SLC5A4: variants seen among roughly 807,000 people sequenced by gnomAD.
The protein encoded by SLC5A4 is solute carrier family 5 member 4.
Under a neutral mutation model 70.3 loss-of-function variants are expected in SLC5A4, and 55 were observed. The observed-to-expected ratio is 0.78, with a 90% CI of 0.63 to 0.98. The LOEUF is 0.98. Among genes scored for constraint, SLC5A4 ranks in the 50% least tolerant of loss-of-function variants. The pLI, the probability that SLC5A4 is intolerant of heterozygous loss-of-function variation, is 0.00. For synonymous variants in SLC5A4, 268 were observed against 305.7 expected, an observed-to-expected ratio of 0.88 and a Z score of 1.29; for missense variants, 735 against 839.2, an observed-to-expected ratio of 0.88 and a Z score of 1.53.
chr22:32,348,753 T>C, the SLC5A4 span, among the ~76,000 whole-genome samples: 2 of 152,160 alleles, frequency 1.3e-5, no homozygotes, highest in Non-Finnish European at 2.9e-5. Context: ...AAAACCCTAT[T>C]ATTTTGACAT....
chr22:32,287,898 T>C, the SLC5A4 span, among the ~76,000 whole-genome samples: 1 of 151,532 alleles, frequency 6.6e-6, no homozygotes, highest in Non-Finnish European at 1.5e-5. Flanking sequence ...ATTGGGTCTG[T>C]ATAGGAGGAA....
chr22:32,270,234 C>A, the SLC5A4 span: 1 of 691,536 alleles, frequency 1.4e-6, no homozygotes, highest in Non-Finnish European at 2.7e-6. Context: ...GACCCTGCAC[C>A]AATGCTGCCA....
the SLC5A4 span, among the ~76,000 whole-genome samples, chr22:32,319,292 T>G: frequency 6.6e-6 from 1 of 151,144 alleles, no homozygotes; most frequent in African/African-American, 2.4e-5. Flanking sequence ...ACACTGGAAC[T>G]CACACCATCA....
intron 5 of SLC5A4, among the ~76,000 whole-genome samples, chr22:32,242,996 T>C (rs1926624078): frequency 6.6e-6 from 1 of 152,180 alleles, no homozygotes; most frequent in African/African-American, 2.4e-5. Context: ...GTTTAAAGGA[T>C]CTGTCACAGA....
upstream of SLC5A4, among the ~76,000 whole-genome samples, chr22:32,257,977 T>C (rs888652088): frequency 2.6e-5 from 4 of 151,808 alleles, no homozygotes; most frequent in Non-Finnish European, 5.9e-5. Flanking sequence ...GCTAAGGTTT[T>C]CTTTATGTAT....
chr22:32,330,970 C>A, the SLC5A4 span, among the ~76,000 whole-genome samples: 2 of 2,124 alleles, frequency 9.4e-4, no homozygotes, highest in Non-Finnish European at 1.9e-3. Flanking sequence ...GTGTTGGGGG[C>A]ACTGGTGTGT....
At chr22:32,275,591 C>T in the SLC5A4 span, among the ~76,000 whole-genome samples, 1 of 152,174 alleles carries the variant, frequency 6.6e-6, no homozygotes, top group African/African-American at 2.4e-5. Flanking sequence ...TGTATATGTG[C>T]CACATTTTCT....
chr22:32,314,765 G>T, the SLC5A4 span, among the ~76,000 whole-genome samples: 2 of 152,190 alleles, frequency 1.3e-5, no homozygotes, highest in Admixed American at 6.5e-5. Flanking sequence ...CACAATCATG[G>T]TGAAAGGCAA....
At chr22:32,259,472 T>C (rs964812576), upstream of SLC5A4, among the ~76,000 whole-genome samples, 1 of 152,244 alleles carries the variant, frequency 6.6e-6, no homozygotes, top group African/African-American at 2.4e-5. Flanking sequence ...GGTGTTTTTT[T>C]CCTTTGTTCT....
the SLC5A4 span, among the ~76,000 whole-genome samples, chr22:32,298,261 G>A: frequency 4.4e-5 from 6 of 137,428 alleles, no homozygotes; most frequent in Admixed American, 3.0e-4. Flanking sequence ...GGGTGTTAAA[G>A]TCTCCCATTA....
At chr22:32,251,541 CT>C (rs1927159014) in intron 3 of SLC5A4, among the ~76,000 whole-genome samples, 1 of 151,756 alleles carries the variant, frequency 6.6e-6, no homozygotes, top group East Asian at 1.9e-4. Flanking sequence ...CTCTCGTGCC[CT>C]ATTGCCCTTC....
At chr22:32,221,164 C>T in intron 13 of SLC5A4, 142 bp from the exon 14 acceptor site, 3 of 498,056 alleles carry the variant, frequency 6.0e-6, no homozygotes, top group South Asian at 4.5e-5. Flanking sequence ...AAAAGGCCTC[C>T]TACCACACTC....
the SLC5A4 span, among the ~76,000 whole-genome samples, chr22:32,314,351 G>A: frequency 1.3e-5 from 2 of 152,194 alleles, no homozygotes; most frequent in Middle Eastern, 3.2e-3. Flanking sequence ...GTGATTGTGT[G>A]TTTTACACAT....
rs1457168272 is a variant in SLC5A4, at chr22:32,247,432, G to A, written c.456C>T (p.Ile152=). 3 of 1,612,492 alleles carry A rather than the reference G, an allele frequency of 1.9e-6. No individual in the cohort carries two copies. Among genetic ancestry groups the A allele is most frequent in the African/African-American group, 1.3e-5 (1 of 74,882 alleles). ...TCACAGAAATTAACAAAACCACACA[G>A]ATGAAGAGGGAGAGGATGGAGAGGT... is the stretch of plus-strand genomic sequence containing the variant. ...QVYLSILSLF[I]CVVLLISADI... is the part of the protein sequence containing the mutation. The change falls in exon 5 of 15, where the codon ATC becomes ATT. Residue 152 remains isoleucine (I), a synonymous_variant. Transcript: ENST00000266086.
At chr22:32,281,584 A>C in the SLC5A4 span, among the ~76,000 whole-genome samples, 3 of 152,142 alleles carry the variant, frequency 2.0e-5, no homozygotes, top group Admixed American at 2.0e-4. Context: ...GCTGGAGTGC[A>C]GTGGTCCAAT....
the SLC5A4 span, among the ~76,000 whole-genome samples, chr22:32,352,577 C>A: frequency 2.6e-5 from 4 of 152,106 alleles, no homozygotes; most frequent in South Asian, 8.3e-4. Context: ...GGGGAAGACT[C>A]CTCCTTCCCC....
chr22:32,306,616 G>GAAGCCAGAGTTTACAGGAGAGAAA, the SLC5A4 span, among the ~76,000 whole-genome samples: 1 of 152,270 alleles, frequency 6.6e-6, no homozygotes, highest in Admixed American at 6.5e-5. Flanking sequence ...CTGCTCACAT[G>GAAGCCAGAGTTTACAGGAGAGAAA]AAGCCAGAGT....
At chr22:32,255,004 T>C (rs1261118653) in intron 1 of SLC5A4, among the ~76,000 whole-genome samples, 191 bp downstream of exon 1, 1 of 152,202 alleles carries the variant, frequency 6.6e-6, no homozygotes, top group Non-Finnish European at 1.5e-5. Context: ...GCTGGCTGTG[T>C]GCACACGATG....
chr22:32,250,429 G>C (rs1278407212), intron 3 of SLC5A4, among the ~76,000 whole-genome samples: 1 of 152,146 alleles, frequency 6.6e-6, no homozygotes, highest in Non-Finnish European at 1.5e-5. Flanking sequence ...TGTGGTGGGA[G>C]GATTGCTTGA....
Sources: allele counts gnomAD v4.1 joint callset (sites outside exome capture counted in the v4.1 genomes callset), GRCh38; gene constraint gnomAD v4.1.1; transcripts MANE v1.5; gene names NCBI Gene and HGNC (gene_info 2026-07-23, HGNC 2026-07-21).